Variants in TMEM117 observed in about 807,000 individuals in gnomAD.
The protein encoded by TMEM117 is transmembrane protein 117.
Under a neutral mutation model 52.4 loss-of-function variants are expected in TMEM117, and 27 were observed. The ratio of observed to expected loss-of-function variants is 0.51; its 90% CI spans 0.38 to 0.71. TMEM117 has a LOEUF of 0.71. Ranked by LOEUF, TMEM117 falls within the 30% of genes least tolerant of loss-of-function variation. TMEM117 has a pLI of 0.00. For synonymous variants in TMEM117, 215 were observed against 206.3 expected, an observed-to-expected ratio of 1.04 and a Z score of -0.36; for missense variants, 556 against 630.5, an observed-to-expected ratio of 0.88 and a Z score of 1.26.
In TMEM117 at chr12:44,388,767, T is replaced by C. The variant is rs565260155; in HGVS notation, c.*95T>C. The C allele has an allele frequency of 2.2e-3, 3,037 of 1,372,582 alleles. 5 individuals carry two copies. The highest frequency in any genetic ancestry group is 2.7e-3 in the Non-Finnish European group (2,675 of 1,006,632). The allele number at this position is 1,372,582 out of a possible 1,614,324, so 85.0% of individuals were successfully genotyped here. ...TTTTGTATATGTAAGGTTTACGTAG[T>C]GTTAGGTAAAAATATGAACAATGCC... On this transcript the variant is annotated 3_prime_UTR_variant, in exon 8 of 8. Transcript: ENST00000266534.
At chr12:44,029,967 T>C (rs1474533734) in intron 3 of TMEM117, among the ~76,000 whole-genome samples, 1 of 152,180 alleles carries the variant, frequency 6.6e-6, no homozygotes, top group Non-Finnish European at 1.5e-5. Flanking sequence ...GCATTTAGGG[T>C]TCAATTCCTG....
intron 2 of TMEM117, among the ~76,000 whole-genome samples, chr12:43,874,181 A>T (rs1032278351): frequency 6.6e-6 from 1 of 152,170 alleles, no homozygotes; most frequent in African/African-American, 2.4e-5. Context: ...GAAAATAGTG[A>T]AGACAACAAG....
At chr12:43,882,269 G>A (rs1251995264) in intron 2 of TMEM117, among the ~76,000 whole-genome samples, 2 of 151,834 alleles carry the variant, frequency 1.3e-5, no homozygotes, top group Non-Finnish European at 2.9e-5. Flanking sequence ...AGATCATCCT[G>A]GCCGACATGG....
At position 44,029,522 on chromosome 12, in the gene TMEM117, G is replaced by A. The variant is rs541979438; in HGVS notation, c.410+85180G>A. The stretch of plus-strand genomic sequence containing the variant: ...CTTCACTACTGACAAGTGGCTGCCC[G>A]AACTTTTCAGTGTTGGCTGCAATGG... On this transcript the variant is annotated intron_variant, in intron 3 of 7. Transcript: ENST00000266534. Among the ~76,000 whole-genome samples, 4 of 152,256 alleles carry A rather than the reference G, an allele frequency of 2.6e-5. 1 individual carries two copies. The highest frequency in any genetic ancestry group is 4.2e-4 in the South Asian group (2 of 4,814).
chr12:44,296,354 T>A (rs1950769178), intron 5 of TMEM117, among the ~76,000 whole-genome samples: 1 of 152,040 alleles, frequency 6.6e-6, no homozygotes, highest in South Asian at 2.1e-4. Flanking sequence ...TGCTTCAGGG[T>A]CCACAGCTGA....
chr12:44,151,983 A>G, intron 4 of TMEM117, among the ~76,000 whole-genome samples: 1 of 116,690 alleles, frequency 8.6e-6, no homozygotes, highest in African/African-American at 3.7e-5. Context: ...ATATATTTAT[A>G]TATAAACATT....
At chr12:44,224,713 C>T (rs901271827) in intron 5 of TMEM117, among the ~76,000 whole-genome samples, 3 of 152,132 alleles carry the variant, frequency 2.0e-5, no homozygotes, top group African/African-American at 7.2e-5. Flanking sequence ...ATCTGTAAAG[C>T]AGGTTTTGCT....
intron 3 of TMEM117, among the ~76,000 whole-genome samples, chr12:44,125,718 G>A (rs1481293842): frequency 6.6e-6 from 1 of 151,966 alleles, no homozygotes; most frequent in Non-Finnish European, 1.5e-5. Context: ...GTCTCCTTCA[G>A]TTCAGCTCTG....
intron 3 of TMEM117, among the ~76,000 whole-genome samples, chr12:44,116,668 C>G (rs994593144): frequency 6.6e-6 from 1 of 152,218 alleles, no homozygotes; most frequent in African/African-American, 2.4e-5. Flanking sequence ...TCTCTTCAAA[C>G]CTTCCTCACT....
intron 3 of TMEM117, among the ~76,000 whole-genome samples, chr12:44,021,293 G>C (rs1415679404): frequency 6.6e-6 from 1 of 152,050 alleles, no homozygotes; most frequent in Non-Finnish European, 1.5e-5. Flanking sequence ...CCTAGTTAGT[G>C]TCTGCTGTTT....
At chr12:44,226,074 C>T (rs577431821) in intron 5 of TMEM117, among the ~76,000 whole-genome samples, 7 of 152,314 alleles carry the variant, frequency 4.6e-5, no homozygotes, top group South Asian at 4.1e-4. Context: ...ATTTACATGG[C>T]GCTCTAACTG....
intron 2 of TMEM117, among the ~76,000 whole-genome samples, chr12:43,912,225 G>T (rs7973769): frequency 0.7 from 94,547 of 135,304 alleles, 36,209 homozygotes; most frequent in East Asian, 0.86. Context: ...GAAATCATCA[G>T]TCTCACTAAA....
intron 6 of TMEM117, among the ~76,000 whole-genome samples, chr12:44,342,283 G>C (rs373211426): frequency 2.5e-4 from 38 of 152,234 alleles, no homozygotes; most frequent in African/African-American, 7.9e-4. Context: ...CTACATCTCT[G>C]CTTCCAGGAA....
At chr12:44,334,969 G>T (rs1951322001) in intron 6 of TMEM117, among the ~76,000 whole-genome samples, 1 of 151,998 alleles carries the variant, frequency 6.6e-6, no homozygotes, top group Non-Finnish European at 1.5e-5. Context: ...ATGTAAGGGG[G>T]GCATTATAAC....
At chr12:44,117,573 A>G (rs1051509880) in intron 3 of TMEM117, among the ~76,000 whole-genome samples, 18 of 152,158 alleles carry the variant, frequency 1.2e-4, no homozygotes, top group African/African-American at 3.9e-4. Flanking sequence ...GGTGAGCAAT[A>G]TGCAATAGCT....
chr12:43,911,806 C>T (rs910699149), intron 2 of TMEM117, among the ~76,000 whole-genome samples: 8 of 108,614 alleles, frequency 7.4e-5, no homozygotes, highest in African/African-American at 2.7e-5. Flanking sequence ...GATACCATTT[C>T]ACACCAGTTA....
chr12:43,946,378 G>GTTTTTTTTTTTTTTTTTTTTTTTTTTTTT (rs1244597058), intron 3 of TMEM117, among the ~76,000 whole-genome samples: 2 of 113,494 alleles, frequency 1.8e-5, no homozygotes, highest in Non-Finnish European at 3.5e-5. Flanking sequence ...ATATAATTCT[G>GTTTTTTTTTTTTTTTTTTTTTTTTTTTTT]TTTTTTTTTT....
chr12:44,295,542 T>G (rs917472406), intron 5 of TMEM117, among the ~76,000 whole-genome samples: 2 of 152,144 alleles, frequency 1.3e-5, no homozygotes, highest in Non-Finnish European at 2.9e-5. Context: ...TTAATTGTCA[T>G]TCCTCTAACT....
intron 6 of TMEM117, among the ~76,000 whole-genome samples, chr12:44,320,911 G>A (rs1951121314): frequency 6.6e-6 from 1 of 152,140 alleles, no homozygotes; most frequent in South Asian, 2.1e-4. Flanking sequence ...ACAGATGTTG[G>A]CTGAATTTAG....
Sources: allele counts gnomAD v4.1 joint callset (sites outside exome capture counted in the v4.1 genomes callset), GRCh38; gene constraint gnomAD v4.1.1; transcripts MANE v1.5; gene names NCBI Gene and HGNC (gene_info 2026-07-23, HGNC 2026-07-21).